ASXL3: variants seen among roughly 807,000 people sequenced by gnomAD.
ASXL3 encodes putative Polycomb group protein ASXL3.
In ASXL3, 34 loss-of-function variants were observed where a neutral mutation model predicts 170.6. That is an observed-to-expected ratio of 0.20 (90% CI 0.15 to 0.27). ASXL3 has a LOEUF of 0.27. Among genes scored for constraint, ASXL3 ranks in the 10% least tolerant of loss-of-function variants. ASXL3 has a pLI of 1.00. For synonymous variants in ASXL3, 1,002 were observed against 989.1 expected (o/e 1.01, Z -0.24); for missense variants, 2,592 against 2,695.3 (o/e 0.96, Z 0.85).
rs542368641 is a variant in ASXL3, at chr18:33,745,511, T to C, written c.5663T>C (p.Ile1888Thr). 7.4e-6 allele frequency: 12 copies of C among 1,614,010 alleles called. No individual in the cohort carries two copies. The South Asian group carries it at 7.7e-5, about 10-fold the overall frequency. ...WLNKHSMQNR[I>T]VHSPEVKQQK... The stretch of plus-strand genomic sequence containing the variant: ...AACAAGCACTCCATGCAGAACAGAA[T>C]TGTTCACAGCCCTGAGGTCAAACAG... The change falls in exon 12 of 12, where the codon ATT (isoleucine) becomes ACT (threonine). Residue 1888 changes from isoleucine to threonine, a missense_variant. Coordinates refer to ENST00000269197, the MANE Select transcript of ASXL3 (RefSeq NM_030632.3).
chr18:33,718,244 G>A (rs968214875), intron 8 of ASXL3, among the ~76,000 whole-genome samples: 1 of 152,062 alleles, frequency 6.6e-6, no homozygotes, highest in Non-Finnish European at 1.5e-5. Context: ...TTAGTACTGT[G>A]GGAAGTCCCT....
chr18:33,660,263 C>A (rs928738818), intron 4 of ASXL3, among the ~76,000 whole-genome samples: 2 of 152,116 alleles, frequency 1.3e-5, no homozygotes, highest in African/African-American at 2.4e-5. Context: ...AAGTGTATGG[C>A]ATTAATAACT....
At chr18:33,615,455 G>A (rs977875965) in intron 2 of ASXL3, among the ~76,000 whole-genome samples, 1 of 152,070 alleles carries the variant, frequency 6.6e-6, no homozygotes, top group African/African-American at 2.4e-5. Context: ...CACCATAACA[G>A]ATATGATAAT....
At chr18:33,715,477 T>A (rs1049454679) in intron 8 of ASXL3, among the ~76,000 whole-genome samples, 6 of 152,202 alleles carry the variant, frequency 3.9e-5, no homozygotes, top group Admixed American at 3.9e-4. Flanking sequence ...ATTATACACA[T>A]TCAGCTTAGC....
intron 8 of ASXL3, among the ~76,000 whole-genome samples, chr18:33,720,247 A>G (rs1482852788): frequency 6.6e-6 from 1 of 152,080 alleles, no homozygotes; most frequent in African/African-American, 2.4e-5. Context: ...TATCTGTTTC[A>G]CAGTTCCTGG....
chr18:33,602,295 T>C (rs1300556965), intron 1 of ASXL3, among the ~76,000 whole-genome samples: 4 of 152,214 alleles, frequency 2.6e-5, no homozygotes, highest in Middle Eastern at 3.4e-3. Flanking sequence ...GGGACAGCTA[T>C]ACAATAGCAT....
At chr18:33,699,082 A>G (rs550476994) in intron 8 of ASXL3, among the ~76,000 whole-genome samples, 42 of 152,294 alleles carry the variant, frequency 2.8e-4, no homozygotes, top group Admixed American at 7.9e-4. Flanking sequence ...TACAAAATAT[A>G]GTCTAAGATA....
At chr18:33,679,952 G>C (rs1377052337) in intron 7 of ASXL3, among the ~76,000 whole-genome samples, 1 of 151,756 alleles carries the variant, frequency 6.6e-6, no homozygotes, top group Non-Finnish European at 1.5e-5. Context: ...CTTTTTTATT[G>C]TTGATGGTTT....
At chr18:33,588,138 A>C (rs969288212) in intron 1 of ASXL3, among the ~76,000 whole-genome samples, 4 of 152,056 alleles carry the variant, frequency 2.6e-5, no homozygotes, top group African/African-American at 9.7e-5. Flanking sequence ...GCATTTTATC[A>C]CTGTTAGTCT....
In ASXL3 at chr18:33,744,260, G is replaced by A. The variant is rs1340269666; in HGVS notation, c.4412G>A (p.Cys1471Tyr). 1 of 1,614,024 alleles carries A rather than the reference G, an allele frequency of 6.2e-7. No homozygotes were observed. The highest frequency in any genetic ancestry group is 1.1e-5 in the South Asian group (1 of 91,092). ...GCAGCCATAAACCGATCAATTCCGTGTAAAGTCATCGTTGACCACAGCACC... is the reference window on the plus strand; with the variant it reads ...GCAGCCATAAACCGATCAATTCCGTATAAAGTCATCGTTGACCACAGCACC... ...APAAINRSIP[C>Y]KVIVDHSTTL... The change falls in exon 12 of 12, where the codon TGT (cysteine) becomes TAT (tyrosine). Residue 1471 changes from cysteine to tyrosine, a missense_variant. Around this residue, in one of 4 missense-constraint regions of ASXL3, gnomAD observed 2,246 missense variants for 2,219.6 expected, o/e 1.01. Transcript: ENST00000269197.
chr18:33,703,763 A>G (rs2066916799), intron 8 of ASXL3, among the ~76,000 whole-genome samples: 1 of 152,024 alleles, frequency 6.6e-6, no homozygotes, highest in Non-Finnish European at 1.5e-5. Context: ...GTCAGAACTT[A>G]AGTGACACAG....
At chr18:33,716,524 C>A (rs2067168263) in intron 8 of ASXL3, among the ~76,000 whole-genome samples, 1 of 152,142 alleles carries the variant, frequency 6.6e-6, no homozygotes, top group Non-Finnish European at 1.5e-5. Context: ...TTTCGAAAGT[C>A]AGATGACAGG....
chr18:33,737,231 C>G (rs1271546677), intron 10 of ASXL3, among the ~76,000 whole-genome samples: 1 of 152,054 alleles, frequency 6.6e-6, no homozygotes, highest in African/African-American at 2.4e-5. Flanking sequence ...AAGGCTATGG[C>G]CAAATACCCA....
chr18:33,613,800 A>G (rs76461159), intron 2 of ASXL3, among the ~76,000 whole-genome samples: 4,390 of 152,150 alleles, frequency 0.029, 217 homozygotes, highest in African/African-American at 0.1. Flanking sequence ...ACATGCCTAT[A>G]GTTCCAGATA....
At chr18:33,650,184 T>G (rs2065975547) in intron 4 of ASXL3, among the ~76,000 whole-genome samples, 1 of 152,148 alleles carries the variant, frequency 6.6e-6, no homozygotes, top group Non-Finnish European at 1.5e-5. Flanking sequence ...TGACAAGATG[T>G]CATATTAGCA....
chr18:33,593,472 T>C (rs950339501), intron 1 of ASXL3, among the ~76,000 whole-genome samples: 4 of 152,030 alleles, frequency 2.6e-5, no homozygotes, highest in Admixed American at 6.6e-5. Context: ...AGATTCCCCA[T>C]TGAGCCCAAC....
chr18:33,638,479 C>G (rs2065803125), intron 2 of ASXL3, among the ~76,000 whole-genome samples: 1 of 152,102 alleles, frequency 6.6e-6, no homozygotes, highest in Admixed American at 6.6e-5. Context: ...GAAATCTACT[C>G]TGGAGAAGTC....
intron 8 of ASXL3, among the ~76,000 whole-genome samples, chr18:33,713,230 T>TG (rs2067100649): frequency 1.5e-5 from 1 of 64,676 alleles, no homozygotes; most frequent in Admixed American, 1.7e-4. Context: ...CACAAGAAGG[T>TG]TTTTTTTGTT....
At chr18:33,716,897 T>TA (rs11378870) in intron 8 of ASXL3, among the ~76,000 whole-genome samples, 93,042 of 143,788 alleles carry the variant, frequency 0.65, 30,203 homozygotes, top group East Asian at 0.94. Context: ...ATTTGCTGGT[T>TA]AAAAAAAAAA....
Sources: gnomAD v4.1 joint callset for allele counts (sites outside exome capture counted in the v4.1 genomes callset) on GRCh38, gnomAD v4.1.1 for gene constraint, gnomAD v4.1.1 regional missense constraint, MANE v1.5 for transcripts, NCBI Gene and HGNC (gene_info 2026-07-23, HGNC 2026-07-21) for gene names.